Variants in LHFPL1 observed in about 807,000 individuals in gnomAD.
The protein encoded by LHFPL1 is LHFPL tetraspan subfamily member 1.
A neutral mutation model predicts 12.1 loss-of-function variants in LHFPL1; 4 were observed. The observed-to-expected ratio is 0.33, with a 90% confidence interval of 0.16 to 0.76. The LOEUF is 0.76. LHFPL1 is among the 30% of genes least tolerant of loss of function. LHFPL1 has a pLI of 0.61. For missense variants in LHFPL1, 141 were observed against 174.1 expected (o/e 0.81, Z 1.07); for synonymous variants, 52 against 61.9 (o/e 0.84, Z 0.75).
At chrX:112,665,678 A>G (rs1289792205) in intron 2 of LHFPL1, among the ~76,000 whole-genome samples, 2 of 111,744 alleles carry the variant, frequency 1.8e-5, no homozygotes, top group Non-Finnish European at 3.8e-5. Flanking sequence ...AGAATCCCCT[A>G]TCACAAAACA....
intron 3 of LHFPL1, among the ~76,000 whole-genome samples, chrX:112,639,020 T>C (rs1056751291): frequency 7.1e-5 from 8 of 112,168 alleles, no homozygotes; most frequent in Admixed American, 9.4e-5. Flanking sequence ...AGGGTCTTTA[T>C]AGGTAGCAAC....
At chrX:112,635,616 T>C (rs739380) in intron 3 of LHFPL1, among the ~76,000 whole-genome samples, 6,504 of 112,278 alleles carry the variant, frequency 0.058, 182 homozygotes, top group Middle Eastern at 0.13. Context: ...AGTATGAATA[T>C]GATAAGTGCT....
chrX:112,675,747 T>G (rs1255479120), intron 1 of LHFPL1, among the ~76,000 whole-genome samples: 1 of 111,657 alleles, frequency 9.0e-6, no homozygotes, highest in Non-Finnish European at 1.9e-5. Context: ...ATGGTCACCC[T>G]ATTTAGGACT....
At chrX:112,660,752 G>GA (rs1382979007) in intron 2 of LHFPL1, 27 bp from the exon 3 acceptor site, 1 of 1,035,615 alleles carries the variant, frequency 9.7e-7, no homozygotes, top group Non-Finnish European at 1.3e-6. Context: ...CACACAGACA[G>GA]AAAAAATATA....
At chrX:112,641,435 A>G (rs1221119725) in intron 3 of LHFPL1, among the ~76,000 whole-genome samples, 2 of 111,950 alleles carry the variant, frequency 1.8e-5, no homozygotes, top group East Asian at 2.8e-4. Flanking sequence ...GTGCTCAGGA[A>G]GTCAGTGTGG....
In LHFPL1 at chrX:112,631,064, T is replaced by C. The variant is rs1300204849; in HGVS notation, c.*356A>G. ...TACTTGGGAATGAACTGATGAACTG[T>C]GTGAATGGAGTGGTAGGAACCAGCT... On this transcript the variant is annotated 3_prime_UTR_variant, in exon 4 of 4. Coordinates refer to ENST00000371968, the MANE Select transcript of LHFPL1 (RefSeq NM_178175.4). 7.0e-6 allele frequency: 1 copy of C among 143,316 alleles called. No individual in the cohort carries two copies. Among genetic ancestry groups the C allele is most frequent in the Non-Finnish European group, 1.4e-5 (1 of 73,042 alleles). The allele number at this position is 143,316 out of a possible 1,213,427, so 11.8% of individuals were successfully genotyped here.
At chrX:112,671,714 A>T (rs1365310850) in intron 1 of LHFPL1, among the ~76,000 whole-genome samples, 2 of 112,047 alleles carry the variant, frequency 1.8e-5, no homozygotes, top group Non-Finnish European at 3.8e-5. Context: ...GCCGGATCAG[A>T]CAGCTTTTAA....
intron 2 of LHFPL1, among the ~76,000 whole-genome samples, chrX:112,662,414 T>C (rs745599852): frequency 2.7e-5 from 3 of 112,258 alleles, no homozygotes; most frequent in Non-Finnish European, 5.6e-5. Context: ...AAGAAACTCA[T>C]ATTGCCTTCA....
intron 3 of LHFPL1, 123 bp from the exon 4 acceptor site, chrX:112,631,724 T>C: frequency 2.1e-6 from 1 of 467,811 alleles, no homozygotes; most frequent in Non-Finnish European, 3.5e-6. Flanking sequence ...GATGCTATGG[T>C]TAGGGTGAGA....
chrX:112,671,025 T>G lies in LHFPL1; in HGVS notation c.366A>C (p.Ala122=). 3 of 1,210,343 alleles carry G rather than the reference T, an allele frequency of 2.5e-6. No individual in the cohort carries two copies. The highest frequency in any genetic ancestry group is 3.4e-6 in the Non-Finnish European group (3 of 894,435). ...CAGTCTTACCTCCAACAAACTGCGCTGCTCCCATGCAACGTCCCATCATTC... is the reference window on the plus strand; with the variant it reads ...CAGTCTTACCTCCAACAAACTGCGCGGCTCCCATGCAACGTCCCATCATTC... The part of the protein sequence containing the change: ...ISRMMGRCMG[A]AQFVGGLLIS... The change falls in exon 2 of 4, where the codon GCA becomes GCC. Residue 122 remains alanine (A), a synonymous_variant. Coordinates refer to ENST00000371968, the MANE Select transcript of LHFPL1 (RefSeq NM_178175.4).
chrX:112,645,669 G>C lies in LHFPL1; in HGVS notation c.482-14068C>G, dbSNP rs952718508. Among the ~76,000 whole-genome samples, 5 of 111,757 alleles carry C rather than the reference G, an allele frequency of 4.5e-5. No individual in the cohort carries two copies. In the Admixed American group the frequency reaches 4.7e-4, roughly 11 times the overall value. Reference sequence around the variant, plus strand: ...AACCCTCTCTTTCAATTAGAGGCTTGATGAAGAATAGCATCAATTTAGAAT... The same window carrying C: ...AACCCTCTCTTTCAATTAGAGGCTTCATGAAGAATAGCATCAATTTAGAAT... On this transcript the variant is annotated intron_variant, in intron 3 of 3. Coordinates refer to ENST00000371968, the MANE Select transcript of LHFPL1 (RefSeq NM_178175.4).
chrX:112,675,400 T>C (rs1931629799), intron 1 of LHFPL1, among the ~76,000 whole-genome samples: 1 of 111,550 alleles, frequency 9.0e-6, no homozygotes, highest in African/African-American at 3.3e-5. Context: ...TAATATATGG[T>C]TGTCCTCACC....
chrX:112,643,728 T>G (rs887349524), intron 3 of LHFPL1, among the ~76,000 whole-genome samples: 11 of 111,488 alleles, frequency 9.9e-5, no homozygotes, highest in African/African-American at 3.6e-4. Context: ...ACTTTAGTCG[T>G]GGGGAAACAG....
At chrX:112,638,867 A>C (rs1930419799) in intron 3 of LHFPL1, among the ~76,000 whole-genome samples, 1 of 111,372 alleles carries the variant, frequency 9.0e-6, no homozygotes, top group Admixed American at 9.5e-5. Flanking sequence ...TTTGGTACAC[A>C]TGGTAGGGTA....
intron 2 of LHFPL1, among the ~76,000 whole-genome samples, chrX:112,664,739 G>T (rs779690752): frequency 2.6e-4 from 29 of 111,802 alleles, no homozygotes; most frequent in Non-Finnish European, 4.1e-4. Flanking sequence ...AAATAAAAAT[G>T]GATTCATAGA....
intron 2 of LHFPL1, among the ~76,000 whole-genome samples, chrX:112,666,126 T>C (rs1358631518): frequency 8.9e-6 from 1 of 112,206 alleles, no homozygotes. Flanking sequence ...CTGCCAATCC[T>C]ACTTTCCAAA....
intron 3 of LHFPL1, among the ~76,000 whole-genome samples, chrX:112,632,024 C>A (rs750128280): frequency 9.0e-6 from 1 of 111,535 alleles, no homozygotes; most frequent in East Asian, 2.8e-4. Flanking sequence ...AACTGAGGCA[C>A]ACACAGCTAC....
chrX:112,660,421 C>CA (rs1931145552), intron 3 of LHFPL1, among the ~76,000 whole-genome samples: 1 of 111,747 alleles, frequency 8.9e-6, no homozygotes, highest in African/African-American at 3.3e-5. Flanking sequence ...GGTCCCCGGG[C>CA]AAAACTGCAT....
At chrX:112,636,765 T>C (rs771246668) in intron 3 of LHFPL1, among the ~76,000 whole-genome samples, 4 of 112,226 alleles carry the variant, frequency 3.6e-5, no homozygotes, top group Non-Finnish European at 7.5e-5. Context: ...ATTAAGTACC[T>C]GGCTAAAGAC....
Sources: allele counts gnomAD v4.1 joint callset (sites outside exome capture counted in the v4.1 genomes callset), GRCh38; gene constraint gnomAD v4.1.1; transcripts MANE v1.5; gene names NCBI Gene and HGNC (gene_info 2026-07-23, HGNC 2026-07-21).